Variants in PTBP3 observed in about 807,000 individuals in gnomAD.
PTBP3 encodes polypyrimidine tract-binding protein 3.
Under a neutral mutation model 58.7 loss-of-function variants are expected in PTBP3, and 20 were observed. The ratio of observed to expected loss-of-function variants is 0.34; its 90% CI spans 0.24 to 0.50. The LOEUF (loss-of-function observed/expected upper bound fraction) is 0.50. PTBP3 is among the 20% of genes least tolerant of loss of function. PTBP3 has a pLI of 0.98. For missense variants in PTBP3, 509 were observed against 637.2 expected (o/e 0.80, Z 2.17); for synonymous variants, 185 against 219.8 (o/e 0.84, Z 1.40).
intron 7 of PTBP3, among the ~76,000 whole-genome samples, chr9:112,239,879 G>C (rs1299967526): frequency 1.4e-4 from 14 of 102,598 alleles, no homozygotes; most frequent in Non-Finnish European, 2.2e-4. Context: ...GGGAGGGAGG[G>C]AGGCAAGGAA....
intron 1 of PTBP3, among the ~76,000 whole-genome samples, chr9:112,321,114 G>A (rs1228098152): frequency 6.6e-6 from 1 of 152,034 alleles, no homozygotes; most frequent in Non-Finnish European, 1.5e-5. Flanking sequence ...ACATACACCT[G>A]ACAAAGGACT....
At chr9:112,325,249 G>T (rs934849622) in intron 1 of PTBP3, among the ~76,000 whole-genome samples, 1 of 152,306 alleles carries the variant, frequency 6.6e-6, no homozygotes, top group African/African-American at 2.4e-5. Context: ...CGCCCACAGT[G>T]AAAAATTCCA....
Position 112,222,679 on chromosome 9 carries a change from A to AT in PTBP3, c.*1171dup. On this transcript the variant is annotated 3_prime_UTR_variant, in exon 14 of 14. Transcript: ENST00000374257. Reference sequence around the variant, plus strand: ...ACCACTTAAAATTGCAATGAAAAAAATTTTAAATCCTTACCAAAACAGAGA... The same window carrying AT: ...ACCACTTAAAATTGCAATGAAAAAAATTTTTAAATCCTTACCAAAACAGAGA... The AT allele has an allele frequency of 1.0e-6, 1 of 984,526 alleles. No individual in the cohort carries two copies. The highest frequency in any genetic ancestry group is 1.2e-6 in the Non-Finnish European group (1 of 828,700). The allele number at this position is 984,526 out of a possible 1,614,324, so 61.0% of individuals were successfully genotyped here.
rs1245150580 is a variant in PTBP3, at chr9:112,221,343, C to CA, written c.*2507dup. 1.0e-6 allele frequency: 1 copy of CA among 985,672 alleles called. No homozygotes were observed. Among genetic ancestry groups the CA allele is most frequent in the Non-Finnish European group, 1.2e-6 (1 of 829,918 alleles). 61.1% of individuals were successfully genotyped at this position (985,672 alleles called of 1,614,324 possible). On this transcript the variant is annotated 3_prime_UTR_variant, in exon 14 of 14. Coordinates refer to ENST00000374257, the MANE Select transcript of PTBP3 (RefSeq NM_001163788.4). ...TGAAAAGGATTCAAATGTTCTCTCT[C>CA]AGACTTAAAAGGCCATTCCCTACTT...
intron 5 of PTBP3, among the ~76,000 whole-genome samples, chr9:112,259,047 G>A (rs1836486978): frequency 6.6e-6 from 1 of 152,100 alleles, no homozygotes; most frequent in Non-Finnish European, 1.5e-5. Context: ...CACCTCCCGG[G>A]CTCAAGCTAT....
rs574303142 is a variant in PTBP3 at position 112,319,122 on chromosome 9, C to T, written c.-52+14348G>A. 2.6e-4 allele frequency among the ~76,000 whole-genome samples: 36 copies of T among 139,496 alleles called. No individual in the cohort carries two copies. In the South Asian group the frequency reaches 7.4e-3, roughly 29 times the overall value. The allele number at this position is 139,496 out of a possible 152,430, so 91.5% of individuals were successfully genotyped here. A position where few individuals can be genotyped will look rare whatever the true frequency, so the allele number is the denominator to read the frequency against. On this transcript the variant is annotated intron_variant, in intron 1 of 13. Transcript: ENST00000374257. ...AGCCTAGGCAACAACAGCGAAACTC[C>T]GTCTCAAGAAAAAAAAAAAAAAGAA...
At chr9:112,349,120 A>AG in the PTBP3 span, among the ~76,000 whole-genome samples, 1 of 152,114 alleles carries the variant, frequency 6.6e-6, no homozygotes, top group Non-Finnish European at 1.5e-5. Context: ...AGGGTGATTT[A>AG]GGGTAGATCC....
intron 1 of PTBP3, among the ~76,000 whole-genome samples, chr9:112,306,599 TATATA>T (rs1484397740): frequency 4.1e-5 from 4 of 97,588 alleles, no homozygotes; most frequent in African/African-American, 8.9e-5. Flanking sequence ...TATATATATA[TATATA>T]TTTTTGTTTG....
At chr9:112,327,089 A>G (rs1554807264) in intron 1 of PTBP3, among the ~76,000 whole-genome samples, 1 of 151,976 alleles carries the variant, frequency 6.6e-6, no homozygotes, top group Non-Finnish European at 1.5e-5. Flanking sequence ...GTGTGGTCCT[A>G]GCTACTCAGG....
chr9:112,248,250 C>T (rs1281039384), intron 7 of PTBP3, among the ~76,000 whole-genome samples: 1 of 152,002 alleles, frequency 6.6e-6, no homozygotes, highest in African/African-American at 2.4e-5. Context: ...AATAAATCAA[C>T]AAGCCAAAAC....
At chr9:112,241,764 T>C (rs1433126128) in intron 7 of PTBP3, among the ~76,000 whole-genome samples, 1 of 152,206 alleles carries the variant, frequency 6.6e-6, no homozygotes, top group Admixed American at 6.5e-5. Flanking sequence ...TAACAAATAT[T>C]CCCATCATTC....
intron 1 of PTBP3, among the ~76,000 whole-genome samples, chr9:112,325,976 C>A (rs1190680519): frequency 1.3e-5 from 2 of 151,782 alleles, no homozygotes; most frequent in African/African-American, 2.4e-5. Context: ...CTTGATCACA[C>A]CACTGCACTC....
the PTBP3 span, among the ~76,000 whole-genome samples, chr9:112,373,007 G>T: frequency 6.9e-6 from 1 of 145,806 alleles, no homozygotes; most frequent in East Asian, 2.0e-4. Context: ...CAATTCTCCT[G>T]CCTCAGCCTT....
intron 1 of PTBP3, among the ~76,000 whole-genome samples, chr9:112,322,872 C>T (rs1159344444): frequency 6.6e-6 from 1 of 152,208 alleles, no homozygotes; most frequent in African/African-American, 2.4e-5. Context: ...GGTCACATAA[C>T]ACGGACATGT....
At chr9:112,361,486 ATGGAT>A in the PTBP3 span, among the ~76,000 whole-genome samples, 64 of 152,298 alleles carry the variant, frequency 4.2e-4, no homozygotes, top group Middle Eastern at 6.8e-3. Flanking sequence ...ATAATATAAA[ATGGAT>A]TGGAGTATCA....
At chr9:112,335,128 A>G (rs1830546515), upstream of PTBP3, among the ~76,000 whole-genome samples, 1 of 152,216 alleles carries the variant, frequency 6.6e-6, no homozygotes, top group Admixed American at 6.5e-5. Context: ...TAATATCAGC[A>G]TAAATGCTCA....
intron 2 of PTBP3, among the ~76,000 whole-genome samples, chr9:112,279,411 A>T (rs1298910376): frequency 6.6e-6 from 1 of 152,180 alleles, no homozygotes; most frequent in Non-Finnish European, 1.5e-5. Flanking sequence ...AATTCATAAT[A>T]TTCCCACCTC....
intron 2 of PTBP3, among the ~76,000 whole-genome samples, chr9:112,292,504 C>G (rs898573886): frequency 1.3e-5 from 2 of 152,106 alleles, no homozygotes; most frequent in Non-Finnish European, 2.9e-5. Flanking sequence ...CTCACAATAG[C>G]ACAATAGCTA....
intron 5 of PTBP3, among the ~76,000 whole-genome samples, chr9:112,258,398 T>C (rs1446494854): frequency 6.6e-6 from 1 of 152,128 alleles, no homozygotes; most frequent in East Asian, 1.9e-4. Context: ...ACGCTGAAGG[T>C]TCCCAAATCT....
Sources: gnomAD v4.1 joint callset for allele counts (sites outside exome capture counted in the v4.1 genomes callset) on GRCh38, gnomAD v4.1.1 for gene constraint, MANE v1.5 for transcripts, NCBI Gene and HGNC (gene_info 2026-07-23, HGNC 2026-07-21) for gene names.